The following PTH2R variants were observed in gnomAD, a reference collection of about 807,000 sequenced individuals.
The protein encoded by PTH2R is parathyroid hormone 2 receptor.
A neutral mutation model predicts 60.3 loss-of-function variants in PTH2R; 59 were observed. The observed-to-expected ratio is 0.98, with a 90% CI of 0.79 to 1.22. PTH2R has a LOEUF of 1.22. Ranked by LOEUF, PTH2R falls within the 50% of genes most tolerant of loss-of-function variation. The pLI is 0.00. For synonymous variants in PTH2R, 256 were observed against 243.8 expected (o/e 1.05, Z -0.47); for missense variants, 749 against 682.6 (o/e 1.10, Z -1.08).
intron 1 of PTH2R, among the ~76,000 whole-genome samples, chr2:208,399,167 T>C (rs1369729124): frequency 6.6e-6 from 1 of 152,220 alleles, no homozygotes. Flanking sequence ...TCAAGATGTG[T>C]GCTCCTAAAA....
chr2:208,481,426 G>C (rs535857366), intron 10 of PTH2R, among the ~76,000 whole-genome samples: 1 of 152,180 alleles, frequency 6.6e-6, no homozygotes, highest in Admixed American at 6.5e-5. Context: ...GGCCAGGCTG[G>C]TCTCAAACTC....
In PTH2R at chr2:208,493,560, G is replaced by A; in HGVS notation, c.1554G>A (p.Gly518=). 1 of 1,613,644 alleles carries A rather than the reference G, an allele frequency of 6.2e-7. No homozygotes were observed. Among genetic ancestry groups the A allele is most frequent in the South Asian group, 1.1e-5 (1 of 90,950 alleles). Residue 518 remains glycine (G), a synonymous_variant, in exon 13 of 13, where the codon GGG becomes GGA. Coordinates refer to ENST00000272847, the MANE Select transcript of PTH2R (RefSeq NM_005048.4). ...ACGAGGAGACCAAGGAAGATAGTGG[G>A]AGGCAGGGAGATGATATTCTAATGG... The part of the protein sequence containing the change: ...SFHEETKEDS[G]RQGDDILMEK...
chr2:208,437,578 C>T lies in PTH2R; in HGVS notation c.220C>T (p.Pro74Ser), dbSNP rs1364854641. Reference protein sequence around the residue: ...FPEWDGLICWPRGTVGKISAV... With the variant: ...FPEWDGLICWSRGTVGKISAV... ...TGAATGGGATGGACTCATTTGTTGG[C>T]CCAGAGGAACAGTGGGGAAAATATC... The change falls in exon 3 of 13, where the codon CCC (proline) becomes TCC (serine). Residue 74 changes from proline (P) to serine (S), a missense_variant. Pro to Ser is a moderately conservative substitution (Grantham distance 74). Transcript: ENST00000272847. The T allele has an allele frequency of 1.2e-6, 2 of 1,613,320 alleles. No homozygotes were observed. The highest frequency in any genetic ancestry group is 3.3e-5 in the Admixed American group (2 of 59,982).
chr2:208,364,046 C>G (rs1700532223), intron 1 of PTH2R, among the ~76,000 whole-genome samples: 1 of 151,990 alleles, frequency 6.6e-6, no homozygotes, highest in South Asian at 2.1e-4. Context: ...GTTTTTGTTG[C>G]TTTGTCCATT....
intron 1 of PTH2R, among the ~76,000 whole-genome samples, chr2:208,361,797 G>A (rs772421129): frequency 1.3e-5 from 2 of 150,910 alleles, no homozygotes; most frequent in Middle Eastern, 3.5e-3. Flanking sequence ...AAGACTATTC[G>A]TTTGTATGTA....
intron 1 of PTH2R, among the ~76,000 whole-genome samples, chr2:208,365,227 A>T (rs1700554347): frequency 6.6e-6 from 1 of 152,156 alleles, no homozygotes; most frequent in Non-Finnish European, 1.5e-5. Flanking sequence ...TCCAGAACAG[A>T]CATTTTTGCC....
chr2:208,394,733 T>G (rs1056323698), intron 1 of PTH2R, among the ~76,000 whole-genome samples: 1 of 152,228 alleles, frequency 6.6e-6, no homozygotes, highest in Non-Finnish European at 1.5e-5. Flanking sequence ...TATCCTGTTA[T>G]TATGGCCCAT....
chr2:208,492,076 C>A (rs943280259), intron 12 of PTH2R, among the ~76,000 whole-genome samples: 10 of 152,130 alleles, frequency 6.6e-5, no homozygotes, highest in African/African-American at 2.4e-4. Flanking sequence ...ATGGAACTTC[C>A]AAATAAACTC....
chr2:208,419,215 A>G (rs1444806849), intron 1 of PTH2R, among the ~76,000 whole-genome samples: 1 of 152,172 alleles, frequency 6.6e-6, no homozygotes, highest in African/African-American at 2.4e-5. Flanking sequence ...TTGCCATTCT[A>G]ACTGGTGTGA....
At chr2:208,464,476 A>G (rs1006224734) in intron 9 of PTH2R, among the ~76,000 whole-genome samples, 1 of 152,228 alleles carries the variant, frequency 6.6e-6, no homozygotes, top group East Asian at 1.9e-4. Context: ...CCACACCAGT[A>G]CATGATTTGT....
chr2:208,382,050 A>C (rs1158037597), intron 1 of PTH2R, among the ~76,000 whole-genome samples: 1 of 152,136 alleles, frequency 6.6e-6, no homozygotes, highest in Non-Finnish European at 1.5e-5. Flanking sequence ...GTCAAGAAGA[A>C]TTAATACATA....
chr2:208,470,813 C>T (rs929464164), intron 9 of PTH2R, among the ~76,000 whole-genome samples: 1 of 152,096 alleles, frequency 6.6e-6, no homozygotes, highest in African/African-American at 2.4e-5. Flanking sequence ...TCAAAGGGTT[C>T]ACAGACAGGA....
At chr2:208,411,981 G>A (rs1701548522) in intron 1 of PTH2R, among the ~76,000 whole-genome samples, 1 of 152,134 alleles carries the variant, frequency 6.6e-6, no homozygotes, top group South Asian at 2.1e-4. Flanking sequence ...ACTAGATTAA[G>A]ATTATTTCTA....
At chr2:208,387,556 G>GA (rs1228590473) in intron 1 of PTH2R, among the ~76,000 whole-genome samples, 1 of 151,916 alleles carries the variant, frequency 6.6e-6, no homozygotes, top group African/African-American at 2.4e-5. Context: ...TGGTGTTTCA[G>GA]AAAAAAAGAG....
chr2:208,377,538 GCGGGGGC>G lies in PTH2R; in HGVS notation c.-259+17302_-259+17308del, dbSNP rs1559202251. 4.1e-3 allele frequency among the ~76,000 whole-genome samples: 606 copies of G among 147,406 alleles called. 5 individuals carry two copies. Among genetic ancestry groups the G allele is most frequent in the Non-Finnish European group, 7.2e-3 (486 of 67,342 alleles). ...CCTCCCAGACGGGGCGGCTGGCCGGGCGGGGGCTGACCCCCCACCTGCCTCTGGGACG... is the reference window on the plus strand; with the variant it reads ...CCTCCCAGACGGGGCGGCTGGCCGGGTGACCCCCCACCTGCCTCTGGGACG... On this transcript the variant is annotated intron_variant, in intron 1 of 12. Transcript: ENST00000617735.
chr2:208,450,349 A>T lies in PTH2R; in HGVS notation c.854-400A>T, dbSNP rs1403160323. Among the ~76,000 whole-genome samples, 4 of 152,290 alleles carry T rather than the reference A, an allele frequency of 2.6e-5. No homozygotes were observed. In the East Asian group the frequency reaches 7.7e-4, roughly 29 times the overall value. ...AATTCTAAGTTTTTAAAACAACAGCATCCCTCAGCTTTTCAGGAGTCCCTG... is the reference window on the plus strand; with the variant it reads ...AATTCTAAGTTTTTAAAACAACAGCTTCCCTCAGCTTTTCAGGAGTCCCTG... On this transcript the variant is annotated intron_variant, in intron 7 of 12. Coordinates refer to ENST00000272847, the MANE Select transcript of PTH2R (RefSeq NM_005048.4).
At chr2:208,402,722 G>A (rs943308760), upstream of PTH2R, among the ~76,000 whole-genome samples, 1 of 152,190 alleles carries the variant, frequency 6.6e-6, no homozygotes, top group Non-Finnish European at 1.5e-5. Context: ...TCATAGATAT[G>A]TCATACTGCC....
intron 7 of PTH2R, 30 bp from the exon 8 acceptor site, chr2:208,450,719 T>TG: frequency 6.2e-7 from 1 of 1,609,352 alleles, no homozygotes; most frequent in Non-Finnish European, 8.5e-7. Flanking sequence ...TTAAAATAAA[T>TG]CTAGTCTCTG....
chr2:208,394,495 G>T (rs1023809519), intron 1 of PTH2R, among the ~76,000 whole-genome samples: 1 of 152,112 alleles, frequency 6.6e-6, no homozygotes, highest in Non-Finnish European at 1.5e-5. Context: ...CATTTGAATG[G>T]GACACCCATG....
Sources: gnomAD v4.1 joint callset for allele counts (sites outside exome capture counted in the v4.1 genomes callset) on GRCh38, gnomAD v4.1.1 for gene constraint, MANE v1.5 for transcripts, NCBI Gene and HGNC (gene_info 2026-07-23, HGNC 2026-07-21) for gene names.